The following ETV6 variants were observed in gnomAD, a reference collection of about 807,000 sequenced individuals.
The protein encoded by ETV6 is transcription factor ETV6.
A neutral mutation model predicts 51.1 loss-of-function variants in ETV6; 16 were observed. That is an observed-to-expected ratio of 0.31 (90% CI 0.21 to 0.48). The LOEUF (loss-of-function observed/expected upper bound fraction) is 0.48, where lower values mean the gene tolerates loss of function less well. ETV6 is among the 20% of genes least tolerant of loss of function. The pLI is 0.99. For missense variants in ETV6, 458 were observed against 594.8 expected, an observed-to-expected ratio of 0.77 and a Z score of 2.39; for synonymous variants, 240 against 224.1, an observed-to-expected ratio of 1.07 and a Z score of -0.64.
intron 2 of ETV6, among the ~76,000 whole-genome samples, chr12:11,779,717 G>A (rs1160970721): frequency 2.6e-5 from 4 of 152,186 alleles, no homozygotes; most frequent in Non-Finnish European, 5.9e-5. Flanking sequence ...GGAAAACTTG[G>A]ATCTCTAGAA....
At chr12:11,664,970 A>G (rs375585565) in intron 1 of ETV6, among the ~76,000 whole-genome samples, 3 of 152,170 alleles carry the variant, frequency 2.0e-5, no homozygotes, top group East Asian at 3.9e-4. Flanking sequence ...AAGGCCCTTT[A>G]CTGCCTACCT....
At chr12:11,800,776 GAATT>G (rs1023658334) in intron 2 of ETV6, among the ~76,000 whole-genome samples, 1 of 152,046 alleles carries the variant, frequency 6.6e-6, no homozygotes, top group Non-Finnish European at 1.5e-5. Flanking sequence ...TCCCCAGAAA[GAATT>G]AAAAAGTAGC....
intron 1 of ETV6, among the ~76,000 whole-genome samples, chr12:11,682,337 G>A (rs745718801): frequency 5.9e-4 from 89 of 152,004 alleles, no homozygotes; most frequent in African/African-American, 1.6e-3. Flanking sequence ...GCTTTTTTTC[G>A]TATGTTTGTT....
intron 1 of ETV6, among the ~76,000 whole-genome samples, chr12:11,716,367 T>G (rs1357827236): frequency 1.4e-5 from 2 of 139,578 alleles, no homozygotes; most frequent in East Asian, 2.3e-4. Flanking sequence ...AAAAGATCAT[T>G]CGGAACCGAA....
intron 7 of ETV6, among the ~76,000 whole-genome samples, chr12:11,887,447 G>C (rs2239173): frequency 3.3e-5 from 5 of 151,892 alleles, no homozygotes; most frequent in African/African-American, 7.3e-5. Context: ...CACTTGTCTC[G>C]GATTAGAAAT....
At chr12:11,824,277 C>G (rs1946122428) in intron 2 of ETV6, among the ~76,000 whole-genome samples, 1 of 152,190 alleles carries the variant, frequency 6.6e-6, no homozygotes, top group Admixed American at 6.5e-5. Flanking sequence ...CAGGGAAAAC[C>G]CAAAAATAGC....
At chr12:11,671,075 T>A (rs951586842) in intron 1 of ETV6, among the ~76,000 whole-genome samples, 3 of 152,064 alleles carry the variant, frequency 2.0e-5, no homozygotes, top group Admixed American at 6.6e-5. Flanking sequence ...GACAGGGACC[T>A]CCTCCTCTCC....
intron 2 of ETV6, among the ~76,000 whole-genome samples, chr12:11,810,108 C>T (rs1007025422): frequency 7.2e-5 from 11 of 152,220 alleles, no homozygotes; most frequent in Admixed American, 6.5e-4. Flanking sequence ...CGTGAGCCAC[C>T]GCACCTGGCT....
At chr12:11,698,199 T>C (rs937120354) in intron 1 of ETV6, among the ~76,000 whole-genome samples, 1 of 152,250 alleles carries the variant, frequency 6.6e-6, no homozygotes. Flanking sequence ...TATTAAATCA[T>C]AGAAATACGT....
chr12:11,738,801 GAGA>G (rs1428663062), intron 1 of ETV6, among the ~76,000 whole-genome samples: 1 of 152,144 alleles, frequency 6.6e-6, no homozygotes, highest in Non-Finnish European at 1.5e-5. Flanking sequence ...TGATTCTTTG[GAGA>G]AGTTTAAACC....
intron 1 of ETV6, among the ~76,000 whole-genome samples, chr12:11,691,804 A>G (rs1305912207): frequency 1.3e-5 from 2 of 152,240 alleles, no homozygotes; most frequent in East Asian, 3.8e-4. Context: ...GGTTTGCCAT[A>G]AATATATTCA....
intron 2 of ETV6, among the ~76,000 whole-genome samples, chr12:11,832,974 G>A (rs924629168): frequency 7.9e-5 from 12 of 152,332 alleles, no homozygotes; most frequent in South Asian, 2.1e-4. Flanking sequence ...CACAGATGAC[G>A]TGAAATTACA....
intron 2 of ETV6, among the ~76,000 whole-genome samples, chr12:11,765,083 C>T (rs76746261): frequency 0.013 from 2,030 of 152,262 alleles, 52 homozygotes; most frequent in African/African-American, 0.047. Flanking sequence ...TAAAGCTTCA[C>T]AAATTTCAGA....
At chr12:11,840,185 T>C (rs1426880564) in intron 3 of ETV6, among the ~76,000 whole-genome samples, 1 of 152,192 alleles carries the variant, frequency 6.6e-6, no homozygotes, top group East Asian at 1.9e-4. Context: ...CTCGGGCTCA[T>C]CTGACTCAGA....
intron 2 of ETV6, among the ~76,000 whole-genome samples, chr12:11,762,244 A>G (rs767088034): frequency 8.5e-5 from 13 of 152,180 alleles, no homozygotes; most frequent in Non-Finnish European, 1.6e-4. Flanking sequence ...CCCTGTTCTC[A>G]TAGCCCCCTT....
chr12:11,704,956 T>C (rs1002773877), intron 1 of ETV6, among the ~76,000 whole-genome samples: 1 of 152,184 alleles, frequency 6.6e-6, no homozygotes, highest in African/African-American at 2.4e-5. Context: ...AAGAAACATA[T>C]TGTATGATCT....
At chr12:11,782,636 T>C (rs960241101) in intron 2 of ETV6, among the ~76,000 whole-genome samples, 2 of 152,214 alleles carry the variant, frequency 1.3e-5, no homozygotes, top group Admixed American at 1.3e-4. Flanking sequence ...GGGAAATGCT[T>C]GGAGTCAGTC....
chr12:11,664,216 C>T (rs972741796), intron 1 of ETV6, among the ~76,000 whole-genome samples: 9 of 152,192 alleles, frequency 5.9e-5, no homozygotes, highest in African/African-American at 1.4e-4. Flanking sequence ...CTTGTTACTA[C>T]GATGCCATGC....
At chr12:11,702,665 C>T (rs1391506941) in intron 1 of ETV6, among the ~76,000 whole-genome samples, 1 of 151,460 alleles carries the variant, frequency 6.6e-6, no homozygotes, top group Non-Finnish European at 1.5e-5. Flanking sequence ...TACTTTGAGT[C>T]ATCAGAACCT....
Sources: allele counts gnomAD v4.1 joint callset (sites outside exome capture counted in the v4.1 genomes callset), GRCh38; gene constraint gnomAD v4.1.1; transcripts MANE v1.5; gene names NCBI Gene and HGNC (gene_info 2026-07-23, HGNC 2026-07-21).